PCM1: variants seen among roughly 807,000 people sequenced by gnomAD.
PCM1 encodes the protein pericentriolar material 1 protein.
A neutral mutation model predicts 241.9 loss-of-function variants in PCM1; 157 were observed. The observed-to-expected ratio is 0.65, with a 90% CI of 0.57 to 0.74. The LOEUF (loss-of-function observed/expected upper bound fraction) is 0.74, where lower values mean the gene tolerates loss of function less well. Ranked by LOEUF, PCM1 falls within the 30% of genes least tolerant of loss-of-function variation. The probability of loss-of-function intolerance (pLI) is 0.00; values close to 1 mark genes in which losing one functional copy is unlikely to be tolerated. For missense variants in PCM1, 3,478 were observed against 2,360.1 expected (o/e 1.47, Z -9.81); for synonymous variants, 1,085 against 784.9 (o/e 1.38, Z -6.39).
chr8:18,008,714 G>T (rs1228690927), intron 30 of PCM1, among the ~76,000 whole-genome samples: 1 of 152,118 alleles, frequency 6.6e-6, no homozygotes, highest in East Asian at 1.9e-4. Context: ...AGTCTTTTCT[G>T]CCCCCTGATC....
intron 29 of PCM1, among the ~76,000 whole-genome samples, chr8:17,999,720 A>C (rs2088530891): frequency 6.6e-6 from 1 of 152,092 alleles, no homozygotes; most frequent in Non-Finnish European, 1.5e-5. Flanking sequence ...ATGATTGCTC[A>C]CCTGGTTTTT....
chr8:18,005,200 G>T (rs1283525596), intron 29 of PCM1, among the ~76,000 whole-genome samples: 1 of 152,050 alleles, frequency 6.6e-6, no homozygotes, highest in Non-Finnish European at 1.5e-5. Context: ...AATGTCTCCT[G>T]TGAGCCACTG....
Position 18,014,791 on chromosome 8 carries a change from C to G in PCM1, c.5792C>G (p.Ser1931Cys). The G allele has an allele frequency of 6.2e-7, 1 of 1,606,864 alleles. No individual in the cohort carries two copies. The highest frequency in any genetic ancestry group is 8.5e-7 in the Non-Finnish European group (1 of 1,178,794). Residue 1931 changes from serine (S) to cysteine (C), a missense_variant, in exon 36 of 39, where the codon TCT becomes TGT. Coordinates refer to ENST00000325083, the MANE Select transcript of PCM1 (RefSeq NM_006197.4). ...TCTGCTCAGGAAACTCCTGAAAGCT[C>G]TCTGGCTGGAAGTCCTGATACTGAA... The part of the protein sequence containing the change: ...VKSAQETPES[S>C]LAGSPDTESP...
intron 22 of PCM1, 105 bp downstream of exon 22, chr8:17,969,853 T>G (rs2076255014): frequency 1.2e-6 from 1 of 855,106 alleles, no homozygotes; most frequent in Admixed American, 2.6e-5. Context: ...TTGTGATGAT[T>G]TGGCTTGATG....
At chr8:17,951,486 A>C (rs1000726433) in intron 8 of PCM1, among the ~76,000 whole-genome samples, 7 of 152,362 alleles carry the variant, frequency 4.6e-5, no homozygotes, top group African/African-American at 1.2e-4. Flanking sequence ...ACTCTGTGTT[A>C]ATAGCAAATA....
At chr8:17,928,996 T>C (rs898187587) in intron 2 of PCM1, among the ~76,000 whole-genome samples, 6 of 152,138 alleles carry the variant, frequency 3.9e-5, no homozygotes, top group African/African-American at 1.4e-4. Flanking sequence ...AATAAAACTT[T>C]CCTTATGACC....
At chr8:17,961,442 C>G (rs2072009165) in intron 15 of PCM1, among the ~76,000 whole-genome samples, 1 of 151,294 alleles carries the variant, frequency 6.6e-6, no homozygotes, top group Non-Finnish European at 1.5e-5. Flanking sequence ...TCCCGAGTAG[C>G]TGGGACTACA....
intron 34 of PCM1, among the ~76,000 whole-genome samples, chr8:18,012,402 CTATTA>C (rs2092644111): frequency 6.6e-6 from 1 of 152,046 alleles, no homozygotes; most frequent in South Asian, 2.1e-4. Flanking sequence ...ATTAATTATT[CTATTA>C]TTAGTTATTG....
At chr8:18,011,918 C>T (rs2092572437) in intron 34 of PCM1, 91 bp downstream of exon 34, 1 of 1,151,366 alleles carries the variant, frequency 8.7e-7, no homozygotes, top group East Asian at 2.4e-5. Context: ...AAAGTAGATC[C>T]TTCTAAATAT....
intron 2 of PCM1, chr8:17,925,850 CTT>C (rs2056743912): frequency 6.6e-6 from 1 of 152,138 alleles, no homozygotes; most frequent in African/African-American, 2.4e-5. Flanking sequence ...AAAAAAGAAA[CTT>C]TTGTAGAAAT....
rs749363333 is a variant in PCM1, at chr8:17,939,006, C to A, written c.609C>A (p.Ser203Arg). ...DGRGEPAMESSQIVSRLVQIR... is the reference protein window; with the variant it reads ...DGRGEPAMESRQIVSRLVQIR... ...GGGGAGAACCTGCAATGGAGAGCAG[C>A]CAGGTGATAACGTTTGTTTCTTTTG... is the stretch of plus-strand genomic sequence containing the variant. The change falls in exon 5 of 39, where the codon AGC (serine) becomes AGA (arginine). Residue 203 changes from serine to arginine, a missense_variant. Transcript: ENST00000325083. 5 of 1,613,194 alleles carry A rather than the reference C, an allele frequency of 3.1e-6. No homozygotes were observed. In the African/African-American group the frequency reaches 4.0e-5, roughly 13 times the overall value.
intron 7 of PCM1, among the ~76,000 whole-genome samples, chr8:17,950,153 A>ATT (rs1563823804): frequency 6.6e-6 from 1 of 152,140 alleles, no homozygotes; most frequent in Non-Finnish European, 1.5e-5. Context: ...CAAAAACTGT[A>ATT]TTTCCCACAA....
At chr8:18,019,260 C>T (rs2093567527) in intron 36 of PCM1, among the ~76,000 whole-genome samples, 1 of 152,034 alleles carries the variant, frequency 6.6e-6, no homozygotes, top group African/African-American at 2.4e-5. Context: ...TGTAGATAAT[C>T]TTTCATACTT....
At chr8:17,985,387 T>C in intron 24 of PCM1, 60 bp from the exon 25 acceptor site, 1 of 1,161,354 alleles carries the variant, frequency 8.6e-7, no homozygotes, top group Non-Finnish European at 1.2e-6. Flanking sequence ...TACTAGCTAA[T>C]AAAAGTTGTC....
At chr8:18,026,643 GATA>G (rs749796973) in intron 38 of PCM1, among the ~76,000 whole-genome samples, 34 of 152,066 alleles carry the variant, frequency 2.2e-4, no homozygotes, top group Admixed American at 6.5e-5. Flanking sequence ...TTAAGATGCA[GATA>G]ATACCTCTTT....
At chr8:17,929,846 A>G (rs2058401211) in intron 2 of PCM1, among the ~76,000 whole-genome samples, 1 of 152,222 alleles carries the variant, frequency 6.6e-6, no homozygotes, top group African/African-American at 2.4e-5. Flanking sequence ...GAGATTAACA[A>G]TAACTAATAA....
chr8:17,966,925 T>A (rs1587149259), intron 20 of PCM1, 55 bp from the exon 21 acceptor site: 2 of 1,455,140 alleles, frequency 1.4e-6, no homozygotes, highest in Non-Finnish European at 1.9e-6. Flanking sequence ...CTGAATGTAC[T>A]TTATATATAT....
At chr8:17,945,287 C>T (rs976760014) in intron 6 of PCM1, among the ~76,000 whole-genome samples, 1 of 152,082 alleles carries the variant, frequency 6.6e-6, no homozygotes, top group African/African-American at 2.4e-5. Context: ...GGTAACTCCC[C>T]TTATATAGGA....
intron 1 of PCM1, among the ~76,000 whole-genome samples, 199 bp downstream of exon 1, chr8:17,923,387 G>T (rs983744140): frequency 6.6e-6 from 1 of 152,204 alleles, no homozygotes; most frequent in African/African-American, 2.4e-5. Context: ...ACTGATCGCC[G>T]GGATCCCCGG....
Sources: allele counts gnomAD v4.1 joint callset (sites outside exome capture counted in the v4.1 genomes callset), GRCh38; gene constraint gnomAD v4.1.1; transcripts MANE v1.5; gene names NCBI Gene and HGNC (gene_info 2026-07-23, HGNC 2026-07-21).